The following EPHA6 variants were observed in gnomAD, a reference collection of about 807,000 sequenced individuals.
EPHA6 encodes the protein EPH receptor A6, also known as ephrin type-A receptor 6.
EPHA6 carries 50 observed loss-of-function variants against 112.0 expected under a neutral mutation model. The observed-to-expected ratio is 0.45, with a 90% CI of 0.36 to 0.56. EPHA6 has a LOEUF of 0.56. Ranked by LOEUF, EPHA6 falls within the 20% of genes least tolerant of loss-of-function variation. The pLI is 0.00. For synonymous variants in EPHA6, 529 were observed against 490.7 expected (o/e 1.08, Z -1.03); for missense variants, 1,280 against 1,417.4 (o/e 0.90, Z 1.56).
chr3:97,213,052 A>G (rs2077922159), intron 3 of EPHA6, among the ~76,000 whole-genome samples: 1 of 152,236 alleles, frequency 6.6e-6, no homozygotes, highest in South Asian at 2.1e-4. Context: ...GGCATGTTAA[A>G]TAGAATAGAA....
At chr3:97,148,544 A>T (rs1202592011) in intron 3 of EPHA6, among the ~76,000 whole-genome samples, 4 of 152,134 alleles carry the variant, frequency 2.6e-5, no homozygotes, top group Non-Finnish European at 4.4e-5. Context: ...TTTCCTTTTA[A>T]TATATGCTAC....
intron 7 of EPHA6, among the ~76,000 whole-genome samples, chr3:97,462,425 G>C (rs114507576): frequency 0.035 from 5,252 of 152,128 alleles, 122 homozygotes; most frequent in Middle Eastern, 0.075. Flanking sequence ...TGTAATTCTG[G>C]CAAAAGACCT....
intron 1 of EPHA6, among the ~76,000 whole-genome samples, chr3:96,833,039 C>A (rs906269855): frequency 6.6e-6 from 1 of 151,668 alleles, no homozygotes; most frequent in African/African-American, 2.4e-5. Flanking sequence ...TTATTAGTTA[C>A]AGTATCTTCT....
Position 97,489,612 on chromosome 3 carries a change from G to A in EPHA6, c.2200+5553G>A, listed in dbSNP as rs528457307. Reference sequence around the variant, plus strand: ...GAGGCAAGAGAATGGCATGAACCCGGGAGGCAGAGCTTGCAGTGAGCCGAG... The same window carrying A: ...GAGGCAAGAGAATGGCATGAACCCGAGAGGCAGAGCTTGCAGTGAGCCGAG... On this transcript the variant is annotated intron_variant, in intron 10 of 17. Transcript: ENST00000389672. Among the ~76,000 whole-genome samples the A allele has an allele frequency of 1.5e-4, 22 of 151,652 alleles. 1 individual carries two copies. Among genetic ancestry groups the A allele is most frequent in the African/African-American group, 5.1e-4 (21 of 41,358 alleles).
At chr3:97,163,283 ATGATGGG>A (rs2076459285) in intron 3 of EPHA6, among the ~76,000 whole-genome samples, 1 of 152,162 alleles carries the variant, frequency 6.6e-6, no homozygotes, top group African/African-American at 2.4e-5. Context: ...CAACTCACTC[ATGATGGG>A]TCATCTTTTG....
intron 3 of EPHA6, among the ~76,000 whole-genome samples, chr3:97,101,741 C>A (rs2047409113): frequency 6.6e-6 from 1 of 152,036 alleles, no homozygotes; most frequent in African/African-American, 2.4e-5. Flanking sequence ...AAATTCTTTA[C>A]AACATGACAC....
At chr3:96,821,995 G>A (rs2033294880) in intron 1 of EPHA6, among the ~76,000 whole-genome samples, 1 of 151,804 alleles carries the variant, frequency 6.6e-6, no homozygotes, top group African/African-American at 2.4e-5. Flanking sequence ...TACAGTAAAT[G>A]ATGTTGCATG....
At chr3:97,479,883 T>C (rs746396692) in intron 9 of EPHA6, among the ~76,000 whole-genome samples, 32 of 152,188 alleles carry the variant, frequency 2.1e-4, no homozygotes, top group Non-Finnish European at 3.7e-4. Flanking sequence ...CCAAGCAACC[T>C]ATAATTACCA....
intron 11 of EPHA6, among the ~76,000 whole-genome samples, chr3:97,541,153 G>A (rs976432490): frequency 3.3e-5 from 5 of 152,144 alleles, no homozygotes; most frequent in Non-Finnish European, 7.4e-5. Flanking sequence ...ATTAACAAAT[G>A]AAAATCTGGT....
At chr3:97,744,302 C>T (rs1453396892) in intron 16 of EPHA6, among the ~76,000 whole-genome samples, 1 of 151,976 alleles carries the variant, frequency 6.6e-6, no homozygotes, top group Non-Finnish European at 1.5e-5. Flanking sequence ...CAAATTTCTA[C>T]ATGCTTAGCA....
chr3:97,694,218 C>T (rs1161240216), intron 14 of EPHA6, among the ~76,000 whole-genome samples: 1 of 151,600 alleles, frequency 6.6e-6, no homozygotes, highest in Non-Finnish European at 1.5e-5. Flanking sequence ...TGTCTATGAG[C>T]CCTTTTCTTT....
intron 16 of EPHA6, among the ~76,000 whole-genome samples, chr3:97,739,696 C>T (rs1385139945): frequency 6.6e-6 from 1 of 152,026 alleles, no homozygotes; most frequent in Admixed American, 6.6e-5. Context: ...CTGTGCAGTT[C>T]CCAACATGCT....
intron 3 of EPHA6, among the ~76,000 whole-genome samples, chr3:97,076,913 A>T (rs1225965295): frequency 1.3e-5 from 2 of 152,148 alleles, no homozygotes; most frequent in Non-Finnish European, 2.9e-5. Flanking sequence ...GGAGAGCTAC[A>T]GCCCAGAAAA....
chr3:97,448,155 C>T (rs2090412374), intron 6 of EPHA6, among the ~76,000 whole-genome samples: 1 of 152,120 alleles, frequency 6.6e-6, no homozygotes, highest in Non-Finnish European at 1.5e-5. Context: ...GGCATTTTGG[C>T]ACTACCTGCG....
chr3:96,944,992 G>A (rs1001745685), intron 2 of EPHA6, among the ~76,000 whole-genome samples: 10 of 151,904 alleles, frequency 6.6e-5, no homozygotes, highest in Non-Finnish European at 1.3e-4. Context: ...TCCCCACCTC[G>A]GTCTGTGTTT....
intron 4 of EPHA6, among the ~76,000 whole-genome samples, chr3:97,228,543 A>G (rs866451614): frequency 0.013 from 2,009 of 149,740 alleles, 36 homozygotes; most frequent in African/African-American, 0.045. Flanking sequence ...GTGTGTGTAT[A>G]TATATATATA....
At chr3:97,338,669 T>C (rs2083167794) in intron 5 of EPHA6, among the ~76,000 whole-genome samples, 1 of 152,198 alleles carries the variant, frequency 6.6e-6, no homozygotes, top group African/African-American at 2.4e-5. Flanking sequence ...GTAATTGAGA[T>C]ATGTCACTTG....
At chr3:97,562,321 T>C (rs1452260604) in intron 11 of EPHA6, among the ~76,000 whole-genome samples, 1 of 152,176 alleles carries the variant, frequency 6.6e-6, no homozygotes, top group Non-Finnish European at 1.5e-5. Flanking sequence ...TAGGAACATC[T>C]GTATTTCATG....
At position 96,832,528 on chromosome 3, in the gene EPHA6, A is replaced by C. The variant is rs189192281; in HGVS notation, c.385+17520A>C. 1.4e-3 allele frequency among the ~76,000 whole-genome samples: 213 copies of C among 152,180 alleles called. 1 individual carries two copies. The highest frequency in any genetic ancestry group is 2.5e-4 in the Non-Finnish European group (17 of 67,952). On this transcript the variant is annotated intron_variant, in intron 1 of 17. Coordinates refer to ENST00000389672, the MANE Select transcript of EPHA6 (RefSeq NM_001080448.3). ...GTAAAAGAAATTTGACTTTTAGCAA[A>C]TGGCTTATGCTAAATCCACAATTTC...
Sources: gnomAD v4.1 joint callset for allele counts (sites outside exome capture counted in the v4.1 genomes callset) on GRCh38, gnomAD v4.1.1 for gene constraint, MANE v1.5 for transcripts, NCBI Gene and HGNC (gene_info 2026-07-23, HGNC 2026-07-21) for gene names.